Variants in STON2 observed in about 807,000 individuals in gnomAD.
The protein encoded by STON2 is stonin 2, also known as stonin-2.
In STON2, 29 loss-of-function variants were observed where a neutral mutation model predicts 65.7. The ratio of observed to expected loss-of-function variants is 0.44; its 90% CI spans 0.33 to 0.60. The LOEUF (loss-of-function observed/expected upper bound fraction) is 0.60. Among genes scored for constraint, STON2 ranks in the 20% least tolerant of loss-of-function variants. STON2 has a pLI of 0.03. For missense variants in STON2, 1,054 were observed against 1,118.1 expected, an observed-to-expected ratio of 0.94 and a Z score of 0.82; for synonymous variants, 404 against 414.2, an observed-to-expected ratio of 0.98 and a Z score of 0.30.
chr14:81,307,222 C>T (rs149438247), intron 5 of STON2, among the ~76,000 whole-genome samples: 4 of 152,332 alleles, frequency 2.6e-5, no homozygotes, highest in African/African-American at 9.6e-5. Flanking sequence ...GAGCCGTGCA[C>T]AGATTGCACT....
Position 81,261,286 on chromosome 14 carries a change from G to C in STON2, c.*7128C>G, listed in dbSNP as rs1431471413. ...GTGCTTAAGGCTTCAGTCATGGTGT[G>C]GGGCTAGACAGCATCCCCAACTAGA... is the stretch of plus-strand genomic sequence containing the variant. On this transcript the variant is annotated 3_prime_UTR_variant, in exon 8 of 8. Transcript: ENST00000614646. The C allele has an allele frequency of 6.6e-6, 1 of 152,216 alleles. No individual in the cohort carries two copies. Among genetic ancestry groups the C allele is most frequent in the Non-Finnish European group, 1.5e-5 (1 of 68,100 alleles). The allele number at this position is 152,216 out of a possible 1,614,324, so 9.4% of individuals were successfully genotyped here. A position where few individuals can be genotyped will look rare whatever the true frequency, so the allele number is the denominator to read the frequency against.
Position 81,261,631 on chromosome 14 carries a change from T to C in STON2, c.*6783A>G. ...GTTTACTGAGTGTCCTCCTTCAATT[T>C]TCACAATATTTTATACAAAATGACA... On this transcript the variant is annotated 3_prime_UTR_variant, in exon 8 of 8. Coordinates refer to ENST00000614646, the MANE Select transcript of STON2 (RefSeq NM_001394390.1). 2 of 773,004 alleles carry C rather than the reference T, an allele frequency of 2.6e-6. No individual in the cohort carries two copies. The highest frequency in any genetic ancestry group is 3.5e-6 in the Non-Finnish European group (2 of 563,810). 47.9% of individuals were successfully genotyped at this position (773,004 alleles called of 1,614,324 possible). A position where few individuals can be genotyped will look rare whatever the true frequency, so the allele number is the denominator to read the frequency against.
At chr14:81,433,575 A>G (rs1335695221) in intron 1 of STON2, among the ~76,000 whole-genome samples, 3 of 152,134 alleles carry the variant, frequency 2.0e-5, no homozygotes, top group Non-Finnish European at 2.9e-5. Flanking sequence ...ACTTCCCCAT[A>G]CCACGGACAG....
chr14:81,326,919 A>G (rs1897022249), intron 4 of STON2, among the ~76,000 whole-genome samples: 1 of 152,192 alleles, frequency 6.6e-6, no homozygotes, highest in South Asian at 2.1e-4. Context: ...TGCACTCCTG[A>G]CAATTCTTTC....
chr14:81,422,709 T>G (rs143824604), intron 2 of STON2, among the ~76,000 whole-genome samples: 2 of 152,140 alleles, frequency 1.3e-5, no homozygotes, highest in Non-Finnish European at 1.5e-5. Flanking sequence ...CTTCAGTAAG[T>G]GCACGGGTTT....
chr14:81,315,170 T>C (rs766399449), intron 5 of STON2, among the ~76,000 whole-genome samples: 7 of 152,234 alleles, frequency 4.6e-5, no homozygotes, highest in Non-Finnish European at 8.8e-5. Flanking sequence ...GTTTTTACTA[T>C]CACTCTATTT....
intron 3 of STON2, among the ~76,000 whole-genome samples, chr14:81,378,437 A>G (rs1162466148): frequency 6.6e-6 from 1 of 151,812 alleles, no homozygotes; most frequent in Non-Finnish European, 1.5e-5. Flanking sequence ...GCTGGTCTCA[A>G]ACTCCTGGGC....
intron 2 of STON2, among the ~76,000 whole-genome samples, chr14:81,405,670 CT>C (rs751209972): frequency 2.6e-5 from 4 of 151,970 alleles, no homozygotes. Flanking sequence ...AAAGCTTGGT[CT>C]TTTACTTCAT....
At position 81,260,664 on chromosome 14, in the gene STON2, AT is replaced by A. The variant is rs1264080788; in HGVS notation, c.*7749del. The A allele has an allele frequency of 6.6e-6, 1 of 152,324 alleles. No homozygotes were observed. The highest frequency in any genetic ancestry group is 1.5e-5 in the Non-Finnish European group (1 of 68,148). The allele number at this position is 152,324 out of a possible 1,614,324, so 9.4% of individuals were successfully genotyped here. A position where few individuals can be genotyped will look rare whatever the true frequency, so the allele number is the denominator to read the frequency against. Reference sequence around the variant, plus strand: ...TGGCATAGTGATATTTTGTTCAAAAATTTTTTATTAATAATTCATTTTCATA... The same window carrying A: ...TGGCATAGTGATATTTTGTTCAAAAATTTTTATTAATAATTCATTTTCATA... On this transcript the variant is annotated 3_prime_UTR_variant, in exon 8 of 8. Coordinates refer to ENST00000614646, the MANE Select transcript of STON2 (RefSeq NM_001394390.1).
At chr14:81,296,776 C>G (rs1431554777) in intron 5 of STON2, among the ~76,000 whole-genome samples, 4 of 152,128 alleles carry the variant, frequency 2.6e-5, no homozygotes, top group Non-Finnish European at 1.5e-5. Flanking sequence ...ACTTCAAGAG[C>G]AGACTGTGGC....
intron 5 of STON2, among the ~76,000 whole-genome samples, chr14:81,288,495 C>T (rs760141843): frequency 6.6e-6 from 1 of 152,036 alleles, no homozygotes; most frequent in Non-Finnish European, 1.5e-5. Flanking sequence ...GTTTGTATAC[C>T]CAAAGATATC....
intron 2 of STON2, among the ~76,000 whole-genome samples, chr14:81,396,530 A>G (rs1404903752): frequency 2.6e-5 from 4 of 152,216 alleles, no homozygotes; most frequent in Non-Finnish European, 5.9e-5. Flanking sequence ...GACAAGTGAA[A>G]GGCAAAAGGG....
chr14:81,353,370 T>G (rs1258557006), intron 4 of STON2, among the ~76,000 whole-genome samples: 1 of 152,126 alleles, frequency 6.6e-6, no homozygotes, highest in Non-Finnish European at 1.5e-5. Context: ...AAAATTTAAT[T>G]TAGGACATTA....
chr14:81,373,891 A>C (rs11852013), intron 3 of STON2, among the ~76,000 whole-genome samples: 6,454 of 152,034 alleles, frequency 0.042, 490 homozygotes, highest in African/African-American at 0.15. Context: ...AGGGGTGTAC[A>C]GCTAAAACTA....
chr14:81,322,275 T>A (rs990758612), intron 5 of STON2, among the ~76,000 whole-genome samples: 1 of 152,196 alleles, frequency 6.6e-6, no homozygotes, highest in African/African-American at 2.4e-5. Flanking sequence ...TAGCATCCAA[T>A]GTACAAATGC....
chr14:81,327,882 G>A (rs1042184367), intron 4 of STON2, among the ~76,000 whole-genome samples: 2 of 152,134 alleles, frequency 1.3e-5, no homozygotes, highest in Middle Eastern at 3.2e-3. Flanking sequence ...GTCAAAGAGT[G>A]GTGAAGGACT....
intron 5 of STON2, among the ~76,000 whole-genome samples, chr14:81,312,952 A>T (rs771778379): frequency 1.2e-4 from 19 of 152,256 alleles, no homozygotes; most frequent in Non-Finnish European, 2.5e-4. Flanking sequence ...GCAGTCAAAA[A>T]AGAAGGACCC....
intron 3 of STON2, among the ~76,000 whole-genome samples, chr14:81,393,927 C>G (rs1490467939): frequency 6.6e-6 from 1 of 152,170 alleles, no homozygotes; most frequent in Non-Finnish European, 1.5e-5. Flanking sequence ...TAGTGGCTCA[C>G]GCCTGTAATC....
intron 1 of STON2, among the ~76,000 whole-genome samples, chr14:81,399,380 A>T (rs1292984790): frequency 6.6e-6 from 1 of 152,240 alleles, no homozygotes; most frequent in Non-Finnish European, 1.5e-5. Flanking sequence ...GTGCTTCCAT[A>T]GAAGAGCTAC....
Sources: gnomAD v4.1 joint callset for allele counts (sites outside exome capture counted in the v4.1 genomes callset) on GRCh38, gnomAD v4.1.1 for gene constraint, MANE v1.5 for transcripts, NCBI Gene and HGNC (gene_info 2026-07-23, HGNC 2026-07-21) for gene names.